The following ALDH1A3 variants were observed in gnomAD, a reference collection of about 807,000 sequenced individuals.
ALDH1A3 encodes the protein aldehyde dehydrogenase 1 family member A3.
ALDH1A3 carries 28 observed loss-of-function variants against 57.5 expected under a neutral mutation model. The ratio of observed to expected loss-of-function variants is 0.49; its 90% CI spans 0.36 to 0.67. The LOEUF is 0.67. Among genes scored for constraint, ALDH1A3 ranks in the 30% least tolerant of loss-of-function variants. The pLI, the probability that ALDH1A3 is intolerant of heterozygous loss-of-function variation, is 0.00. For missense variants in ALDH1A3, 507 were observed against 669.4 expected (o/e 0.76, Z 2.68); for synonymous variants, 281 against 264.8 (o/e 1.06, Z -0.59).
In ALDH1A3 at chr15:100,907,174, A is replaced by C; in HGVS notation, c.1287A>C (p.Ile429=). The C allele has an allele frequency of 1.2e-6, 2 of 1,614,194 alleles. No homozygotes were observed. Among genetic ancestry groups the C allele is most frequent in the Non-Finnish European group, 1.7e-6 (2 of 1,180,004 alleles). Residue 429 remains isoleucine (I), a synonymous_variant, in exon 11 of 13, where the codon ATA becomes ATC. Transcript: ENST00000329841. ...AGTTCAAAAGTATCGAAGAAGTGATAAAAAGAGCGAATAGCACCGACTATG... is the reference window on the plus strand; with the variant it reads ...AGTTCAAAAGTATCGAAGAAGTGATCAAAAGAGCGAATAGCACCGACTATG... ...ILKFKSIEEV[I]KRANSTDYGL...
chr15:100,907,769 G>T (rs11854028), intron 11 of ALDH1A3, among the ~76,000 whole-genome samples: 84,874 of 151,148 alleles, frequency 0.56, 24,030 homozygotes, highest in South Asian at 0.72. Context: ...GGAGAACTTT[G>T]GGGTCAGTTC....
Position 100,906,167 on chromosome 15 carries a change from G to A in ALDH1A3, c.1233+480G>A, listed in dbSNP as rs2141569252. Reference sequence around the variant, plus strand: ...ACATGTCACAGCTGGAATTTTTATTGACATTTTCCACCACGGACGTCTTGA... The same window carrying A: ...ACATGTCACAGCTGGAATTTTTATTAACATTTTCCACCACGGACGTCTTGA... On this transcript the variant is annotated intron_variant, in intron 10 of 12. Coordinates refer to ENST00000329841, the MANE Select transcript of ALDH1A3 (RefSeq NM_000693.4). The surrounding 1 kb of genome is among the most constrained non-coding windows in gnomAD (Gnocchi z 4.8). Among the ~76,000 whole-genome samples, 1 of 152,252 alleles carries A rather than the reference G, an allele frequency of 6.6e-6. No individual in the cohort carries two copies. The highest frequency in any genetic ancestry group is 2.1e-4 in the South Asian group (1 of 4,820).
intron 1 of ALDH1A3, among the ~76,000 whole-genome samples, chr15:100,883,173 A>C (rs909787693): frequency 6.6e-6 from 1 of 152,120 alleles, no homozygotes; most frequent in Non-Finnish European, 1.5e-5. Flanking sequence ...TCCCCCTTGG[A>C]GTTGATACCA....
chr15:100,883,263 C>T (rs1238537800), intron 1 of ALDH1A3, among the ~76,000 whole-genome samples: 1 of 152,156 alleles, frequency 6.6e-6, no homozygotes, highest in African/African-American at 2.4e-5. Context: ...ACAAATGGGC[C>T]CCTCTTCCTG....
intron 12 of ALDH1A3, among the ~76,000 whole-genome samples, chr15:100,912,837 C>T (rs2041893537): frequency 6.6e-6 from 1 of 152,184 alleles, no homozygotes; most frequent in Non-Finnish European, 1.5e-5. Flanking sequence ...CTTGAGTATG[C>T]ATCAGAATCA....
intron 9 of ALDH1A3, among the ~76,000 whole-genome samples, chr15:100,903,978 C>T (rs566671061): frequency 9.5e-4 from 144 of 152,268 alleles, no homozygotes; most frequent in African/African-American, 3.3e-3. Context: ...TTTGCCCCCA[C>T]CCCATTTTTT....
chr15:100,890,015 G>C (rs1294967559), intron 3 of ALDH1A3, among the ~76,000 whole-genome samples: 1 of 152,250 alleles, frequency 6.6e-6, no homozygotes, highest in Non-Finnish European at 1.5e-5. Context: ...TCTGTGCTCA[G>C]TGTCTGGAAA....
At chr15:100,901,371 G>A (rs2041766940) in intron 9 of ALDH1A3, among the ~76,000 whole-genome samples, 1 of 152,166 alleles carries the variant, frequency 6.6e-6, no homozygotes, top group Admixed American at 6.5e-5. Context: ...ATTTAAAAGA[G>A]GGCAGCCTGA....
At chr15:100,911,120 A>C (rs2041878799) in intron 12 of ALDH1A3, among the ~76,000 whole-genome samples, 1 of 152,272 alleles carries the variant, frequency 6.6e-6, no homozygotes, top group Admixed American at 6.5e-5. Flanking sequence ...TAAAATATTT[A>C]AAAATAATTC....
chr15:100,881,584 A>C (rs1047829166), intron 1 of ALDH1A3: 2 of 151,982 alleles, frequency 1.3e-5, no homozygotes, highest in Non-Finnish European at 2.9e-5. Context: ...GATTTTTAGG[A>C]CACTTTTAAA....
At chr15:100,904,897 G>T (rs551389580) in intron 9 of ALDH1A3, among the ~76,000 whole-genome samples, 4 of 152,262 alleles carry the variant, frequency 2.6e-5, no homozygotes, top group Admixed American at 2.0e-4. Context: ...GGGGTGTTGA[G>T]TAAGGTGGTT....
rs1392861360 is a variant in ALDH1A3, at chr15:100,916,340, ATTC to A, written c.*1571_*1573del. ...GATAGTGATACGTTAGAGGGTTCCT[ATTC>A]TTCCATTGTACGATAATGTCTTTAA... On this transcript the variant is annotated 3_prime_UTR_variant, in exon 13 of 13. Coordinates refer to ENST00000329841, the MANE Select transcript of ALDH1A3 (RefSeq NM_000693.4). 2 of 152,430 alleles carry A rather than the reference ATTC, an allele frequency of 1.3e-5. No individual in the cohort carries two copies. Among genetic ancestry groups the A allele is most frequent in the African/African-American group, 2.4e-5 (1 of 41,464 alleles). The allele number at this position is 152,430 out of a possible 1,614,324, so 9.4% of individuals were successfully genotyped here. A position where few individuals can be genotyped will look rare whatever the true frequency, so the allele number is the denominator to read the frequency against.
chr15:100,890,130 G>GCCCT (rs1371905550), intron 3 of ALDH1A3, among the ~76,000 whole-genome samples: 2 of 152,154 alleles, frequency 1.3e-5, no homozygotes, highest in East Asian at 1.9e-4. Flanking sequence ...CCAAACGGAA[G>GCCCT]CCCTCCCTAT....
At position 100,900,849 on chromosome 15, in the gene ALDH1A3, G is replaced by C. The variant is rs190767304; in HGVS notation, c.1068+90G>C. 2.1e-6 allele frequency: 3 copies of C among 1,422,862 alleles called. No homozygotes were observed. The African/African-American group carries it at 4.2e-5, about 20-fold the overall frequency. 88.1% of individuals were successfully genotyped at this position (1,422,862 alleles called of 1,614,324 possible). ...GCAACCGCCTACAGGGTCCCTCTCC[G>C]TGAAAGGAATGCTGACCTGTCCTGC... is the stretch of plus-strand genomic sequence containing the variant. On this transcript the variant is annotated intron_variant, in intron 9 of 12. Coordinates refer to ENST00000329841, the MANE Select transcript of ALDH1A3 (RefSeq NM_000693.4).
At chr15:100,903,571 A>T (rs2041792373) in intron 9 of ALDH1A3, among the ~76,000 whole-genome samples, 1 of 152,208 alleles carries the variant, frequency 6.6e-6, no homozygotes, top group Non-Finnish European at 1.5e-5. Flanking sequence ...GTGGGAACAC[A>T]TTTCTAATTT....
In ALDH1A3 at chr15:100,896,415, G is replaced by GA. The variant is rs1225420725; in HGVS notation, c.780+380dup. 3.4e-3 allele frequency among the ~76,000 whole-genome samples: 487 copies of GA among 143,364 alleles called. 1 individual carries two copies. The highest frequency in any genetic ancestry group is 9.9e-3 in the African/African-American group (392 of 39,528). The allele number at this position is 143,364 out of a possible 152,430, so 94.1% of individuals were successfully genotyped here. On this transcript the variant is annotated intron_variant, in intron 7 of 12. Transcript: ENST00000329841. ...ATGCAAAGTGCTCCTACAAGTCAAT[G>GA]AAAAAAAAAAACCAAACTGAATGGT...
chr15:100,882,566 G>A (rs367599182), intron 1 of ALDH1A3, among the ~76,000 whole-genome samples: 4 of 152,140 alleles, frequency 2.6e-5, no homozygotes, highest in East Asian at 3.8e-4. Context: ...ACGGGAAATC[G>A]GCATCAATAG....
In ALDH1A3 at chr15:100,900,390, A is replaced by C. The variant is rs1046866934; in HGVS notation, c.884-185A>C. Among the ~76,000 whole-genome samples the C allele has an allele frequency of 7.9e-5, 12 of 152,230 alleles. 1 individual carries two copies. Among genetic ancestry groups the C allele is most frequent in the Admixed American group, 7.2e-4 (11 of 15,284 alleles). On this transcript the variant is annotated intron_variant, in intron 8 of 12. Transcript: ENST00000329841. ...TTTAACCCCAAACTTGGTGGACCCC[A>C]AAATCCTTTCTCCCTTCCTCTCTAT...
chr15:100,887,483 A>G lies in ALDH1A3; in HGVS notation c.205-89A>G. ...AACTGCAGTCACCTCAAAAGATGAC[A>G]CCCAAACTTCAGTCACGTCAAAAGA... is the stretch of plus-strand genomic sequence containing the variant. On this transcript the variant is annotated intron_variant, in intron 2 of 12. Transcript: ENST00000329841. The surrounding 1 kb of genome is among the most constrained non-coding windows in gnomAD (Gnocchi z 4.6). 7.1e-7 allele frequency: 1 copy of G among 1,418,228 alleles called. No homozygotes were observed. Among genetic ancestry groups the G allele is most frequent in the South Asian group, 1.6e-5 (1 of 63,126 alleles). 87.9% of individuals were successfully genotyped at this position (1,418,228 alleles called of 1,614,324 possible).
Sources: gnomAD v4.1 joint callset for allele counts (sites outside exome capture counted in the v4.1 genomes callset) on GRCh38, gnomAD v4.1.1 for gene constraint, Gnocchi (gnomAD v3.1) non-coding constraint, MANE v1.5 for transcripts, NCBI Gene and HGNC (gene_info 2026-07-23, HGNC 2026-07-21) for gene names.